The following MEMO1 variants were observed in gnomAD, a reference collection of about 807,000 sequenced individuals.
MEMO1 encodes mediator of cell motility 1, also known as protein MEMO1.
Under a neutral mutation model 45.2 loss-of-function variants are expected in MEMO1, and 6 were observed. That is an observed-to-expected ratio of 0.13 (90% CI 0.07 to 0.26). MEMO1 has a LOEUF of 0.26. MEMO1 is among the 10% of genes least tolerant of loss of function. MEMO1 has a pLI of 1.00. For missense variants in MEMO1, 184 were observed against 370.5 expected, an observed-to-expected ratio of 0.50 and a Z score of 4.13; for synonymous variants, 78 against 124.3, an observed-to-expected ratio of 0.63 and a Z score of 2.48.
At chr2:31,925,444 C>T (rs1300588930) in intron 4 of MEMO1, among the ~76,000 whole-genome samples, 2 of 128,842 alleles carry the variant, frequency 1.6e-5, no homozygotes, top group South Asian at 2.5e-4. Context: ...CCACTGCACT[C>T]CAGCCTGGGG....
intron 4 of MEMO1, among the ~76,000 whole-genome samples, chr2:31,928,470 T>A (rs1572709649): frequency 6.7e-6 from 1 of 148,808 alleles, no homozygotes; most frequent in South Asian, 2.1e-4. Context: ...TCACTTGAAC[T>A]CAGGAGGCGG....
chr2:32,002,885 A>G (rs766408347), intron 2 of MEMO1, among the ~76,000 whole-genome samples: 12 of 152,212 alleles, frequency 7.9e-5, no homozygotes, highest in Non-Finnish European at 1.6e-4. Context: ...TAATCAGGCA[A>G]TCATATCAAC....
At chr2:31,958,937 C>T (rs1015428772) in intron 2 of MEMO1, among the ~76,000 whole-genome samples, 6 of 152,200 alleles carry the variant, frequency 3.9e-5, no homozygotes, top group Non-Finnish European at 5.9e-5. Flanking sequence ...AGGCATGAGC[C>T]ACGTGCCCAG....
chr2:31,950,556 T>TA (rs1666728530), intron 2 of MEMO1, among the ~76,000 whole-genome samples: 1 of 151,166 alleles, frequency 6.6e-6, no homozygotes, highest in Non-Finnish European at 1.5e-5. Context: ...CCATCTCTAC[T>TA]AAAAACACAA....
chr2:31,905,947 A>G (rs1446029920), intron 6 of MEMO1, among the ~76,000 whole-genome samples: 12 of 151,482 alleles, frequency 7.9e-5, no homozygotes, highest in Admixed American at 5.9e-4. Context: ...CCATCACACC[A>G]TCAAGGAGAG....
At chr2:31,967,985 C>A (rs1013829410) in intron 2 of MEMO1, among the ~76,000 whole-genome samples, 1 of 151,878 alleles carries the variant, frequency 6.6e-6, no homozygotes, top group African/African-American at 2.4e-5. Flanking sequence ...TAATAAGAAT[C>A]AAAACTCGCA....
chr2:31,934,892 T>C (rs1330354693), intron 3 of MEMO1, among the ~76,000 whole-genome samples: 1 of 152,160 alleles, frequency 6.6e-6, no homozygotes, highest in African/African-American at 2.4e-5. Context: ...TCTGGAACTC[T>C]ATCAGTGCTG....
chr2:31,991,898 T>C (rs893959215), intron 2 of MEMO1, among the ~76,000 whole-genome samples: 1 of 152,162 alleles, frequency 6.6e-6, no homozygotes, highest in Non-Finnish European at 1.5e-5. Context: ...TATTATTAAG[T>C]AATTAATAAG....
At chr2:31,976,875 C>T (rs1305225867) in intron 2 of MEMO1, among the ~76,000 whole-genome samples, 2 of 152,048 alleles carry the variant, frequency 1.3e-5, no homozygotes, top group African/African-American at 4.8e-5. Context: ...ATTACTGAGA[C>T]TGCATATATG....
chr2:32,004,517 G>A (rs1673799961), intron 2 of MEMO1, among the ~76,000 whole-genome samples: 2 of 152,124 alleles, frequency 1.3e-5, no homozygotes, highest in South Asian at 4.2e-4. Flanking sequence ...TAAAAAGACT[G>A]ACAATACCAA....
At chr2:31,988,356 C>T (rs747550103) in intron 2 of MEMO1, among the ~76,000 whole-genome samples, 1 of 151,624 alleles carries the variant, frequency 6.6e-6, no homozygotes, top group Non-Finnish European at 1.5e-5. Flanking sequence ...AGACCACCCT[C>T]GCCAACATGG....
intron 6 of MEMO1, among the ~76,000 whole-genome samples, chr2:31,905,150 C>T (rs1679475271): frequency 6.6e-6 from 1 of 152,074 alleles, no homozygotes; most frequent in African/African-American, 2.4e-5. Context: ...GGGAGGATCG[C>T]TTGAGCCTGG....
intron 6 of MEMO1, among the ~76,000 whole-genome samples, chr2:31,894,393 A>T (rs1022700752): frequency 6.6e-6 from 1 of 152,228 alleles, no homozygotes; most frequent in Non-Finnish European, 1.5e-5. Context: ...AGTAGGAAAC[A>T]GAAAAGCCTG....
chr2:31,967,103 C>T (rs1471905860), intron 2 of MEMO1, among the ~76,000 whole-genome samples: 1 of 150,228 alleles, frequency 6.7e-6, no homozygotes, highest in Non-Finnish European at 1.5e-5. Flanking sequence ...CAATCATTTA[C>T]CAGTCAATAG....
In MEMO1 at chr2:31,919,916, A is replaced by G. The variant is rs560150538; in HGVS notation, c.325+882T>C. Among the ~76,000 whole-genome samples the G allele has an allele frequency of 3.3e-5, 5 of 149,348 alleles. No homozygotes were observed. The South Asian group carries it at 1.1e-3, about 32-fold the overall frequency. On this transcript the variant is annotated intron_variant, in intron 5 of 9. Coordinates refer to ENST00000404530, the MANE Select transcript of MEMO1 (RefSeq NM_001301833.4). ...TGGGCGTGTGTGTACATATATATGC[A>G]TATGTATACATGCACATGCACACAC... is the stretch of plus-strand genomic sequence containing the variant.
chr2:31,914,934 G>A lies in MEMO1; in HGVS notation c.437+2992C>T, dbSNP rs1462823441. ...ATTGTGCCACTGCACTCAAGCCTGG[G>A]TGACAGAATGAGACCCTGTCTCTTT... On this transcript the variant is annotated intron_variant, in intron 6 of 9. Coordinates refer to ENST00000404530, the MANE Select transcript of MEMO1 (RefSeq NM_001301833.4). 2.0e-5 allele frequency among the ~76,000 whole-genome samples: 3 copies of A among 149,006 alleles called. No individual in the cohort carries two copies. The East Asian group carries it at 6.0e-4, about 30-fold the overall frequency.
Position 31,936,077 on chromosome 2 carries a change from C to A in MEMO1, c.144-3942G>T, listed in dbSNP as rs560023676. Among the ~76,000 whole-genome samples the A allele has an allele frequency of 2.6e-5, 4 of 152,204 alleles. No individual in the cohort carries two copies. In the East Asian group the frequency reaches 5.8e-4, roughly 22 times the overall value. Reference sequence around the variant, plus strand: ...CTAGCAGGTTCAAGCGATTCTCCTGCCTCAGCCTCCCGAGTAGCTGGGACT... The same window carrying A: ...CTAGCAGGTTCAAGCGATTCTCCTGACTCAGCCTCCCGAGTAGCTGGGACT... On this transcript the variant is annotated intron_variant, in intron 3 of 9. Transcript: ENST00000404530.
At chr2:31,994,909 A>C (rs1672390738) in intron 2 of MEMO1, among the ~76,000 whole-genome samples, 1 of 144,940 alleles carries the variant, frequency 6.9e-6, no homozygotes, top group South Asian at 2.4e-4. Flanking sequence ...GATTGTGCCA[A>C]GGCACTCGTG....
chr2:31,934,156 T>G (rs372606537), intron 3 of MEMO1, among the ~76,000 whole-genome samples: 1 of 152,122 alleles, frequency 6.6e-6, no homozygotes, highest in Admixed American at 6.6e-5. Context: ...CCTAGAAATT[T>G]TGCTCTCAGT....
Sources: gnomAD v4.1 joint callset for allele counts (sites outside exome capture counted in the v4.1 genomes callset) on GRCh38, gnomAD v4.1.1 for gene constraint, MANE v1.5 for transcripts, NCBI Gene and HGNC (gene_info 2026-07-23, HGNC 2026-07-21) for gene names.